CDH18: variants seen among roughly 807,000 people sequenced by gnomAD.
The protein encoded by CDH18 is cadherin-18.
Under a neutral mutation model 67.9 loss-of-function variants are expected in CDH18, and 31 were observed. That is an observed-to-expected ratio of 0.46 (90% CI 0.34 to 0.62). CDH18 has a LOEUF of 0.62. CDH18 is among the 20% of genes least tolerant of loss of function. The probability of loss-of-function intolerance (pLI) is 0.01; values close to 1 mark genes in which losing one functional copy is unlikely to be tolerated. For synonymous variants in CDH18, 362 were observed against 347.2 expected, an observed-to-expected ratio of 1.04 and a Z score of -0.48; for missense variants, 890 against 975.5, an observed-to-expected ratio of 0.91 and a Z score of 1.17.
At chr5:20,065,600 C>T (rs1742912782) in intron 2 of CDH18, among the ~76,000 whole-genome samples, 1 of 151,976 alleles carries the variant, frequency 6.6e-6, no homozygotes, top group Non-Finnish European at 1.5e-5. Flanking sequence ...GTAGCTTACT[C>T]TAACTTACTG....
chr5:19,966,688 T>C (rs993229017), intron 2 of CDH18, among the ~76,000 whole-genome samples: 1 of 152,010 alleles, frequency 6.6e-6, no homozygotes, highest in African/African-American at 2.4e-5. Context: ...CTGGAGCAGA[T>C]TTTCTTTCCA....
intron 2 of CDH18, among the ~76,000 whole-genome samples, chr5:20,111,888 A>G (rs1183211761): frequency 1.3e-5 from 2 of 152,162 alleles, no homozygotes; most frequent in Non-Finnish European, 2.9e-5. Flanking sequence ...TATAATTACA[A>G]TGTACTTAAT....
intron 2 of CDH18, among the ~76,000 whole-genome samples, chr5:20,066,160 T>C (rs1742961488): frequency 1.3e-5 from 2 of 152,040 alleles, no homozygotes; most frequent in Non-Finnish European, 2.9e-5. Flanking sequence ...ACATCAACTC[T>C]AATTTTGCTT....
chr5:19,538,728 AGAAG>A, intron 9 of CDH18, among the ~76,000 whole-genome samples: 1 of 152,078 alleles, frequency 6.6e-6, no homozygotes, highest in Non-Finnish European at 1.5e-5. Context: ...CCTACTCACA[AGAAG>A]GAAGGAGCAC....
In CDH18 at chr5:19,667,503, TATATAC is replaced by T. The variant is rs932242764; in HGVS notation, c.643+53838_643+53843del. Among the ~76,000 whole-genome samples the T allele has an allele frequency of 7.3e-5, 9 of 123,382 alleles. No individual in the cohort carries two copies. The South Asian group carries it at 9.4e-4, about 13-fold the overall frequency. The allele number at this position is 123,382 out of a possible 152,430, so 80.9% of individuals were successfully genotyped here. On this transcript the variant is annotated intron_variant, in intron 5 of 12. Transcript: ENST00000382275. ...TGAATATATATGTTATATATATATA[TATATAC>T]ACACACACACACACACACACATACA... is the stretch of plus-strand genomic sequence containing the variant.
At chr5:19,636,016 T>C (rs1435467891) in intron 5 of CDH18, among the ~76,000 whole-genome samples, 1 of 152,120 alleles carries the variant, frequency 6.6e-6, no homozygotes, top group Non-Finnish European at 1.5e-5. Flanking sequence ...AATTGTGAAA[T>C]ACTACCCATA....
chr5:19,652,830 T>G (rs1057502404), intron 5 of CDH18, among the ~76,000 whole-genome samples: 2 of 152,138 alleles, frequency 1.3e-5, no homozygotes, highest in Non-Finnish European at 2.9e-5. Flanking sequence ...AAACTATGCC[T>G]ATAATTAAGA....
chr5:19,801,346 A>G (rs1777451737), intron 3 of CDH18, among the ~76,000 whole-genome samples: 1 of 152,194 alleles, frequency 6.6e-6, no homozygotes, highest in Admixed American at 6.5e-5. Context: ...CAATGTAGTA[A>G]AGTCTAACAC....
intron 1 of CDH18, among the ~76,000 whole-genome samples, chr5:20,502,356 C>T (rs1320062611): frequency 1.3e-5 from 2 of 152,106 alleles, no homozygotes; most frequent in Non-Finnish European, 2.9e-5. Context: ...GGTATATCAG[C>T]AGCAACCAAA....
At chr5:20,498,145 C>G (rs1468370834) in intron 1 of CDH18, among the ~76,000 whole-genome samples, 7 of 152,062 alleles carry the variant, frequency 4.6e-5, no homozygotes. Context: ...CCAGGTGAAC[C>G]AAGACAATCC....
intron 2 of CDH18, among the ~76,000 whole-genome samples, chr5:20,011,063 T>G (rs1034244530): frequency 6.6e-6 from 1 of 152,166 alleles, no homozygotes; most frequent in African/African-American, 2.4e-5. Context: ...TTTACCACCT[T>G]TTATCTCAAA....
At chr5:19,988,487 T>A (rs562896114), upstream of CDH18, among the ~76,000 whole-genome samples, 45 of 152,056 alleles carry the variant, frequency 3.0e-4, 1 homozygote, top group South Asian at 8.9e-3. Context: ...ATTCAGCGCA[T>A]ACTACTACTC....
chr5:19,851,233 C>T (rs748925100), intron 2 of CDH18, among the ~76,000 whole-genome samples: 2 of 151,538 alleles, frequency 1.3e-5, no homozygotes, highest in Non-Finnish European at 3.0e-5. Flanking sequence ...ATAACTTTGT[C>T]GGGAATATTT....
chr5:19,862,150 T>C (rs1784972289), intron 2 of CDH18, among the ~76,000 whole-genome samples: 1 of 152,158 alleles, frequency 6.6e-6, no homozygotes, highest in Non-Finnish European at 1.5e-5. Flanking sequence ...AATGTTGGTA[T>C]TAATCTAATA....
intron 2 of CDH18, among the ~76,000 whole-genome samples, chr5:20,235,093 T>C (rs1332393242): frequency 6.6e-6 from 1 of 152,074 alleles, no homozygotes; most frequent in Non-Finnish European, 1.5e-5. Context: ...AGAATGAAAC[T>C]GGACACCTAC....
At chr5:19,918,273 AGT>A (rs1010265918) in intron 2 of CDH18, among the ~76,000 whole-genome samples, 1 of 152,184 alleles carries the variant, frequency 6.6e-6, no homozygotes, top group African/African-American at 2.4e-5. Context: ...GTCACAAGTT[AGT>A]ACACTTCAAG....
At chr5:19,890,707 C>T (rs1579451780) in intron 2 of CDH18, among the ~76,000 whole-genome samples, 1 of 151,640 alleles carries the variant, frequency 6.6e-6, no homozygotes, top group African/African-American at 2.4e-5. Flanking sequence ...TGATTCTCCT[C>T]CCTCAGCCTC....
At chr5:20,045,602 T>C (rs1740829391) in intron 2 of CDH18, among the ~76,000 whole-genome samples, 1 of 151,542 alleles carries the variant, frequency 6.6e-6, no homozygotes, top group Non-Finnish European at 1.5e-5. Flanking sequence ...TATGAAAAAA[T>C]ATGTTACACT....
At chr5:19,672,540 G>T (rs1160459000) in intron 5 of CDH18, among the ~76,000 whole-genome samples, 1 of 152,024 alleles carries the variant, frequency 6.6e-6, no homozygotes, top group East Asian at 1.9e-4. Context: ...TTTTATCTAT[G>T]TAATTCCTGT....
Sources: gnomAD v4.1 joint callset for allele counts (sites outside exome capture counted in the v4.1 genomes callset) on GRCh38, gnomAD v4.1.1 for gene constraint, MANE v1.5 for transcripts, NCBI Gene and HGNC (gene_info 2026-07-23, HGNC 2026-07-21) for gene names.